The following IQGAP2 variants were observed in gnomAD, a reference collection of about 807,000 sequenced individuals.
IQGAP2 encodes ras GTPase-activating-like protein IQGAP2.
Under a neutral mutation model 201.3 loss-of-function variants are expected in IQGAP2, and 173 were observed. The ratio of observed to expected loss-of-function variants is 0.86; its 90% CI spans 0.76 to 0.98. The LOEUF is 0.98. Ranked by LOEUF, IQGAP2 falls within the 50% of genes least tolerant of loss-of-function variation. IQGAP2 has a pLI of 0.00. For synonymous variants in IQGAP2, 675 were observed against 673.9 expected (o/e 1.00, Z -0.03); for missense variants, 1,687 against 1,864.8 (o/e 0.90, Z 1.76).
At chr5:76,416,919 C>G (rs972180626) in intron 1 of IQGAP2, among the ~76,000 whole-genome samples, 2 of 152,106 alleles carry the variant, frequency 1.3e-5, no homozygotes, top group Admixed American at 6.5e-5. Flanking sequence ...GCCTCCAGCT[C>G]CTGGGCTCAA....
intron 19 of IQGAP2, 119 bp downstream of exon 19, chr5:76,654,390 T>A: frequency 1.6e-6 from 1 of 643,206 alleles, no homozygotes; most frequent in East Asian, 2.8e-5. Context: ...TAAGAAATAA[T>A]GGATCTTAGA....
chr5:76,669,498 T>A (rs912856817), intron 23 of IQGAP2, among the ~76,000 whole-genome samples: 4 of 152,074 alleles, frequency 2.6e-5, no homozygotes, highest in Admixed American at 6.5e-5. Context: ...GAAGGACGCG[T>A]CTAAATGAAG....
chr5:76,436,519 T>TATATA (rs1752706155), intron 1 of IQGAP2, among the ~76,000 whole-genome samples: 2 of 21,182 alleles, frequency 9.4e-5, no homozygotes, highest in African/African-American at 3.1e-4. Flanking sequence ...ATATATATAT[T>TATATA]TTTTTTTTTT....
At chr5:76,548,307 C>T (rs578142956) in intron 2 of IQGAP2, among the ~76,000 whole-genome samples, 2 of 152,204 alleles carry the variant, frequency 1.3e-5, no homozygotes, top group East Asian at 1.9e-4. Context: ...CAGACACTTC[C>T]GAAAGTGACC....
chr5:76,610,961 T>G, intron 12 of IQGAP2, 59 bp from the exon 13 acceptor site: 1 of 1,416,874 alleles, frequency 7.1e-7, no homozygotes, highest in Non-Finnish European at 9.7e-7. Flanking sequence ...CAATCGGTGA[T>G]ACTAAAGAAG....
chr5:76,609,809 G>T (rs529182580), intron 12 of IQGAP2, among the ~76,000 whole-genome samples: 51 of 148,756 alleles, frequency 3.4e-4, no homozygotes, highest in African/African-American at 1.2e-3. Flanking sequence ...AAGCTCCTTG[G>T]CAGTGTGTGT....
At position 76,562,382 on chromosome 5, in the gene IQGAP2, T is replaced by C; in HGVS notation, c.147-14T>C. The C allele has an allele frequency of 1.3e-6, 2 of 1,580,538 alleles. No homozygotes were observed. The highest frequency in any genetic ancestry group is 1.7e-6 in the Non-Finnish European group (2 of 1,165,204). ...ACTGGAATCACTTTAATATTTTTTTTTTAATCTCTTTAGGTGGATGGAAGT... is the reference window on the plus strand; with the variant it reads ...ACTGGAATCACTTTAATATTTTTTTCTTAATCTCTTTAGGTGGATGGAAGT... On this transcript the variant is annotated splice_polypyrimidine_tract_variant and intron_variant, in intron 2 of 35. Coordinates refer to ENST00000274364, the MANE Select transcript of IQGAP2 (RefSeq NM_006633.5).
intron 1 of IQGAP2, chr5:76,404,470 C>T: frequency 1.0e-6 from 1 of 985,506 alleles, no homozygotes. Context: ...GTGGCCCTGT[C>T]AGTGAACCCA....
At chr5:76,668,005 G>A (rs1161747609) in intron 22 of IQGAP2, among the ~76,000 whole-genome samples, 4 of 150,648 alleles carry the variant, frequency 2.7e-5, no homozygotes, top group Non-Finnish European at 4.4e-5. Flanking sequence ...TCAGCCTCTT[G>A]AGTAGCAGGG....
chr5:76,535,103 G>A (rs1382109029), intron 2 of IQGAP2, among the ~76,000 whole-genome samples: 1 of 152,162 alleles, frequency 6.6e-6, no homozygotes, highest in Non-Finnish European at 1.5e-5. Context: ...GGACCTCAGG[G>A]CCTAGGTCCA....
intron 13 of IQGAP2, chr5:76,618,498 C>T (rs1028071777): frequency 2.5e-6 from 4 of 1,614,012 alleles, no homozygotes; most frequent in Admixed American, 3.3e-5. Context: ...TTCTTCAGGG[C>T]ACTTAATTTT....
intron 34 of IQGAP2, among the ~76,000 whole-genome samples, chr5:76,701,435 A>G (rs1346141889): frequency 6.6e-6 from 1 of 152,232 alleles, no homozygotes; most frequent in Non-Finnish European, 1.5e-5. Flanking sequence ...TGGCTTGTGC[A>G]ATATGTTTGG....
At chr5:76,550,672 A>C (rs1253475236) in intron 2 of IQGAP2, among the ~76,000 whole-genome samples, 2 of 152,214 alleles carry the variant, frequency 1.3e-5, no homozygotes, top group African/African-American at 4.8e-5. Context: ...GGTTGGGGGT[A>C]GGGTCACCGA....
intron 2 of IQGAP2, among the ~76,000 whole-genome samples, chr5:76,484,617 C>T (rs995119007): frequency 2.4e-4 from 36 of 151,882 alleles, no homozygotes; most frequent in African/African-American, 8.0e-4. Context: ...CAAACCTGCA[C>T]GTTGTGCACA....
intron 11 of IQGAP2, among the ~76,000 whole-genome samples, chr5:76,603,766 ATCT>A (rs1747598440): frequency 1.3e-5 from 2 of 152,244 alleles, no homozygotes; most frequent in East Asian, 3.9e-4. Context: ...TGGATTACTG[ATCT>A]TCTCAGAGCT....
intron 1 of IQGAP2, among the ~76,000 whole-genome samples, chr5:76,429,582 T>TTATATATATATATATATATATATTTTTA (rs70982604): frequency 3.2e-4 from 39 of 120,702 alleles, no homozygotes; most frequent in African/African-American, 1.1e-3. Flanking sequence ...AAAAAAAAAT[T>TTATATATATATATATATATATATTTTTA]TATATATATA....
intron 1 of IQGAP2, chr5:76,404,354 T>G (rs1274438180): frequency 1.8e-6 from 1 of 567,472 alleles, no homozygotes; most frequent in African/African-American, 2.1e-5. Flanking sequence ...TGGAGCCAGA[T>G]TAACACCAAC....
At position 76,665,143 on chromosome 5, in the gene IQGAP2, G is replaced by C. The variant is rs34968964; in HGVS notation, c.2647G>C (p.Glu883Gln). 7,300 of 1,613,608 alleles carry C rather than the reference G, an allele frequency of 4.5e-3. 20 individuals are homozygous for C. The highest frequency in any genetic ancestry group is 5.7e-3 in the Non-Finnish European group (6,690 of 1,179,694). ...SLSKERRKTL[E>Q]TYQQLFYLLQ... ...GAGTAAGGAGAGGAGAAAAACACTA[G>C]AAACATATCAGCAGCTGTTTTACCT... Residue 883 changes from glutamate (E) to glutamine (Q), a missense_variant, in exon 22 of 36, where the codon GAA becomes CAA. Physicochemically the swap from Glu to Gln is conservative, Grantham distance 29 (BLOSUM62 2). Transcript: ENST00000274364.
At chr5:76,589,220 G>A (rs1746464416) in intron 6 of IQGAP2, among the ~76,000 whole-genome samples, 1 of 151,438 alleles carries the variant, frequency 6.6e-6, no homozygotes, top group South Asian at 2.1e-4. Context: ...GCTGAGGCAG[G>A]AGAATGGCGT....
Sources: gnomAD v4.1 joint callset for allele counts (sites outside exome capture counted in the v4.1 genomes callset) on GRCh38, gnomAD v4.1.1 for gene constraint, MANE v1.5 for transcripts, NCBI Gene and HGNC (gene_info 2026-07-23, HGNC 2026-07-21) for gene names.